The following GLRA3 variants were observed in gnomAD, a reference collection of about 807,000 sequenced individuals.
The protein encoded by GLRA3 is glycine receptor subunit alpha-3.
A neutral mutation model predicts 60.4 loss-of-function variants in GLRA3; 44 were observed. The ratio of observed to expected loss-of-function variants is 0.73; its 90% CI spans 0.57 to 0.94. GLRA3 has a LOEUF of 0.94. GLRA3 is among the 40% of genes least tolerant of loss of function. The probability of loss-of-function intolerance (pLI) is 0.00; values close to 1 mark genes in which losing one functional copy is unlikely to be tolerated. For missense variants in GLRA3, 508 were observed against 564.6 expected (o/e 0.90, Z 1.02); for synonymous variants, 223 against 192.9 (o/e 1.16, Z -1.29).
chr4:174,762,049 C>T (rs1197995132), intron 3 of GLRA3, among the ~76,000 whole-genome samples: 1 of 152,080 alleles, frequency 6.6e-6, no homozygotes, highest in Non-Finnish European at 1.5e-5. Flanking sequence ...AAAAGATTCA[C>T]TGAATGAATG....
At chr4:174,687,671 G>A (rs1460038941) in intron 5 of GLRA3, among the ~76,000 whole-genome samples, 1 of 152,132 alleles carries the variant, frequency 6.6e-6, no homozygotes, top group Admixed American at 6.5e-5. Flanking sequence ...TGGAGAAATT[G>A]TTGTTACACC....
At chr4:174,735,237 C>G (rs1290612548) in intron 3 of GLRA3, among the ~76,000 whole-genome samples, 1 of 152,140 alleles carries the variant, frequency 6.6e-6, no homozygotes, top group Admixed American at 6.5e-5. Flanking sequence ...TGTCAACAAG[C>G]CTGTGGGTAG....
chr4:174,645,854 T>A (rs1301731382), intron 9 of GLRA3, among the ~76,000 whole-genome samples: 1 of 152,172 alleles, frequency 6.6e-6, no homozygotes, highest in Non-Finnish European at 1.5e-5. Flanking sequence ...TGCCTTAAAG[T>A]TTTCCATATC....
rs1554015628 is a variant in GLRA3, at chr4:174,721,031, G to GTGTT, written c.492-5462_492-5461insAACA. 2.7e-3 allele frequency among the ~76,000 whole-genome samples: 406 copies of GTGTT among 151,080 alleles called. 3 individuals are homozygous for GTGTT. The highest frequency in any genetic ancestry group is 5.0e-3 in the African/African-American group (204 of 41,126). ...TTTGTGTGTGTGTGTGTGTGTGTGT[G>GTGTT]TGTGTGTGTGTTTTTGAGATGGAGT... On this transcript the variant is annotated intron_variant, in intron 4 of 9. Coordinates refer to ENST00000274093, the MANE Select transcript of GLRA3 (RefSeq NM_006529.4).
At chr4:174,768,178 G>A (rs1311592033) in intron 2 of GLRA3, among the ~76,000 whole-genome samples, 2 of 152,074 alleles carry the variant, frequency 1.3e-5, no homozygotes, top group Non-Finnish European at 2.9e-5. Context: ...CAGCTCTGGT[G>A]GTTTTACAAC....
chr4:174,717,846 A>G (rs1036813467), intron 4 of GLRA3, among the ~76,000 whole-genome samples: 3 of 152,212 alleles, frequency 2.0e-5, no homozygotes, highest in Non-Finnish European at 4.4e-5. Flanking sequence ...GAATGTACAC[A>G]CATTAATTTT....
At chr4:174,809,941 G>A (rs976168156) in intron 1 of GLRA3, among the ~76,000 whole-genome samples, 2 of 151,956 alleles carry the variant, frequency 1.3e-5, no homozygotes, top group African/African-American at 4.8e-5. Flanking sequence ...TTTTATAGAA[G>A]AGAATTTTAT....
chr4:174,790,061 G>A (rs537488334), intron 1 of GLRA3, among the ~76,000 whole-genome samples: 1 of 152,322 alleles, frequency 6.6e-6, no homozygotes, highest in East Asian at 1.9e-4. Context: ...CATGGGCACA[G>A]TTTTAAAATC....
At chr4:174,800,166 T>C (rs1164152860) in intron 1 of GLRA3, among the ~76,000 whole-genome samples, 1 of 152,008 alleles carries the variant, frequency 6.6e-6, no homozygotes, top group African/African-American at 2.4e-5. Context: ...TAGAAGGCAG[T>C]ATGGAAAGTT....
intron 1 of GLRA3, among the ~76,000 whole-genome samples, chr4:174,819,160 T>A (rs907630019): frequency 4.6e-5 from 7 of 152,218 alleles, no homozygotes; most frequent in Non-Finnish European, 7.3e-5. Flanking sequence ...AACAAAAACA[T>A]GCCTATGTTG....
intron 9 of GLRA3, among the ~76,000 whole-genome samples, chr4:174,649,724 G>A (rs1732958887): frequency 6.6e-6 from 1 of 152,020 alleles, no homozygotes; most frequent in African/African-American, 2.4e-5. Flanking sequence ...GGCTGGATGT[G>A]GTGAAAACTA....
intron 7 of GLRA3, among the ~76,000 whole-genome samples, chr4:174,661,335 A>G (rs940690477): frequency 2.0e-5 from 3 of 152,076 alleles, no homozygotes; most frequent in Admixed American, 6.6e-5. Flanking sequence ...ATATATGCAA[A>G]ATTTTTCTCT....
At chr4:174,811,606 A>G (rs1740279286) in intron 1 of GLRA3, among the ~76,000 whole-genome samples, 1 of 152,178 alleles carries the variant, frequency 6.6e-6, no homozygotes, top group Non-Finnish European at 1.5e-5. Flanking sequence ...CAATGTTGAT[A>G]TGTAATACTT....
chr4:174,694,258 T>C (rs562405376), intron 5 of GLRA3, among the ~76,000 whole-genome samples: 2 of 152,284 alleles, frequency 1.3e-5, no homozygotes, highest in African/African-American at 4.8e-5. Flanking sequence ...TTTACAGCAC[T>C]TTCCACCCAA....
At chr4:174,820,090 G>A (rs1740678957) in intron 1 of GLRA3, among the ~76,000 whole-genome samples, 1 of 152,170 alleles carries the variant, frequency 6.6e-6, no homozygotes, top group South Asian at 2.1e-4. Flanking sequence ...GAAAAGAGTA[G>A]AGTTGGGAAT....
intron 7 of GLRA3, among the ~76,000 whole-genome samples, chr4:174,668,785 T>C (rs925518250): frequency 3.9e-5 from 6 of 152,192 alleles, no homozygotes; most frequent in African/African-American, 1.4e-4. Context: ...TTAAGAGAGA[T>C]AGTTTGTCAA....
intron 1 of GLRA3, among the ~76,000 whole-genome samples, chr4:174,812,788 C>T (rs558268969): frequency 3.2e-4 from 49 of 152,116 alleles, no homozygotes; most frequent in Non-Finnish European, 2.6e-4. Flanking sequence ...AGCTAATATT[C>T]TAGGTTACCC....
chr4:174,673,393 T>C (rs1307460813), intron 7 of GLRA3, among the ~76,000 whole-genome samples: 1 of 152,084 alleles, frequency 6.6e-6, no homozygotes, highest in Non-Finnish European at 1.5e-5. Flanking sequence ...ATTATTACTA[T>C]CTCCTCTTTC....
intron 3 of GLRA3, among the ~76,000 whole-genome samples, chr4:174,752,570 A>C (rs1737532076): frequency 6.6e-6 from 1 of 151,824 alleles, no homozygotes; most frequent in South Asian, 2.1e-4. Flanking sequence ...GGTAGAGAGT[A>C]ATTCTTCACT....
Sources: gnomAD v4.1 joint callset for allele counts (sites outside exome capture counted in the v4.1 genomes callset) on GRCh38, gnomAD v4.1.1 for gene constraint, MANE v1.5 for transcripts, NCBI Gene and HGNC (gene_info 2026-07-23, HGNC 2026-07-21) for gene names.